FAT4: variants seen among roughly 807,000 people sequenced by gnomAD.
FAT4 encodes the protein protocadherin Fat 4.
FAT4 carries 84 observed loss-of-function variants against 303.9 expected under a neutral mutation model. That is an observed-to-expected ratio of 0.28 (90% CI 0.23 to 0.33). The LOEUF (loss-of-function observed/expected upper bound fraction) is 0.33. Among genes scored for constraint, FAT4 ranks in the 10% least tolerant of loss-of-function variants. The pLI, the probability that FAT4 is intolerant of heterozygous loss-of-function variation, is 1.00. For missense variants in FAT4, 6,005 were observed against 6,146.8 expected (o/e 0.98, Z 0.77); for synonymous variants, 2,307 against 2,298.8 (o/e 1.00, Z -0.10).
At chr4:125,397,709 T>C (rs925245) in intron 2 of FAT4, among the ~76,000 whole-genome samples, 20 of 152,008 alleles carry the variant, frequency 1.3e-4, no homozygotes, top group Non-Finnish European at 2.8e-4. Flanking sequence ...CCTTTTCAGA[T>C]AATGATGACA....
chr4:125,403,132 A>G (rs1166114337), intron 3 of FAT4, among the ~76,000 whole-genome samples: 1 of 152,124 alleles, frequency 6.6e-6, no homozygotes, highest in South Asian at 2.1e-4. Context: ...AACAACTATC[A>G]TTTTCCTGTG....
At chr4:125,360,925 AT>A (rs1429415996) in intron 2 of FAT4, among the ~76,000 whole-genome samples, 1 of 120,368 alleles carries the variant, frequency 8.3e-6, no homozygotes, top group African/African-American at 2.8e-5. Context: ...TATTTATTTT[AT>A]TTATTTATTT....
rs1488673937 is a variant in FAT4, at chr4:125,394,996, A to C, written c.5176-3788A>C. On this transcript the variant is annotated intron_variant, in intron 2 of 17. Coordinates refer to ENST00000394329, the MANE Select transcript of FAT4 (RefSeq NM_001291303.3). ...TTATGTGACAGATTCTAAAATATTC[A>C]ATGAATAAATGTTAGATTTAGTGAC... Among the ~76,000 whole-genome samples, 3 of 152,200 alleles carry C rather than the reference A, an allele frequency of 2.0e-5. No homozygotes were observed. The East Asian group carries it at 5.8e-4, about 29-fold the overall frequency.
intron 8 of FAT4, among the ~76,000 whole-genome samples, chr4:125,441,235 G>A (rs757749508): frequency 5.9e-5 from 9 of 152,124 alleles, no homozygotes; most frequent in Admixed American, 2.0e-4. Context: ...GTGTAGTACC[G>A]TATAACAAGT....
In FAT4 at chr4:125,320,787, T is replaced by C. The variant is rs778837270; in HGVS notation, c.4376T>C (p.Ile1459Thr). The change falls in exon 2 of 18, where the codon ATC becomes ACC. Residue 1459 changes from isoleucine (I) to threonine (T), a missense_variant. By Grantham distance (89) the Ile-to-Thr change is moderately conservative. Transcript: ENST00000394329. ...ATTAATGGTCAACTATCCTACACAA[T>C]CATTCAACAGATGCCAAGAGGCAAC... is the stretch of plus-strand genomic sequence containing the variant. Reference protein sequence around the residue: ...ADINGQLSYTIIQQMPRGNHF... With the variant: ...ADINGQLSYTTIQQMPRGNHF... 3.7e-6 allele frequency: 6 copies of C among 1,614,012 alleles called. No individual in the cohort carries two copies. In the African/African-American group the frequency reaches 8.0e-5, roughly 22 times the overall value.
At chr4:125,403,877 ATTTC>A (rs1363272866) in intron 3 of FAT4, among the ~76,000 whole-genome samples, 1 of 152,102 alleles carries the variant, frequency 6.6e-6, no homozygotes, top group Non-Finnish European at 1.5e-5. Context: ...TATTAGTATT[ATTTC>A]TATTTTCAAT....
Position 125,324,521 on chromosome 4 carries a change from C to G in FAT4, c.5175+2935C>G, listed in dbSNP as rs375974242. Among the ~76,000 whole-genome samples the G allele has an allele frequency of 8.5e-5, 13 of 152,278 alleles. 1 individual carries two copies. In the East Asian group the frequency reaches 1.7e-3, roughly 20 times the overall value. Reference sequence around the variant, plus strand: ...GAGGAAATGAAGGAAGTTAATAAATCTGATGCTGCTCATTAATTGAACTCA... The same window carrying G: ...GAGGAAATGAAGGAAGTTAATAAATGTGATGCTGCTCATTAATTGAACTCA... On this transcript the variant is annotated intron_variant, in intron 2 of 17. Transcript: ENST00000394329.
chr4:125,315,078 ATG>A lies in FAT4; in HGVS notation c.-899_-898del, dbSNP rs375668886. ...GCTGTGTGTGTGTGTGTGCGTGTGTATGTGTGTGTGTGTGCATGCCTGTGCGG... is the reference window on the plus strand; with the variant it reads ...GCTGTGTGTGTGTGTGTGCGTGTGTATGTGTGTGTGTGCATGCCTGTGCGG... On this transcript the variant is annotated 5_prime_UTR_variant, in exon 1 of 18. It introduces an in-frame stop codon into an upstream open reading frame of the 5' UTR. Transcript: ENST00000394329. Among the ~76,000 whole-genome samples the A allele has an allele frequency of 2.0e-5, 3 of 150,188 alleles. No individual in the cohort carries two copies. Among genetic ancestry groups the A allele is most frequent in the Non-Finnish European group, 4.5e-5 (3 of 67,312 alleles).
In FAT4 at chr4:125,317,709, C is replaced by G. The variant is rs2125940017; in HGVS notation, c.1298C>G (p.Ser433Cys). Residue 433 changes from serine (S) to cysteine (C), a missense_variant, in exon 2 of 18, where the codon TCC (serine) becomes TGC (cysteine). By Grantham distance (112) the Ser-to-Cys change is moderately radical. Transcript: ENST00000394329. The surrounding 1 kb of genome is among the most constrained non-coding windows in gnomAD (Gnocchi z 7.0). ...GCCTTGGACCGCGAGCGCATCCCTTCCTACAACCTCACAGTTTCCGTCTCT... is the reference window on the plus strand; with the variant it reads ...GCCTTGGACCGCGAGCGCATCCCTTGCTACAACCTCACAGTTTCCGTCTCT... ...ASALDRERIP[S>C]YNLTVSVSDN... 1.2e-6 allele frequency: 2 copies of G among 1,614,126 alleles called. No homozygotes were observed. The highest frequency in any genetic ancestry group is 4.5e-5 in the East Asian group (2 of 44,876).
In FAT4 at chr4:125,451,232, C is replaced by T; in HGVS notation, c.10222C>T (p.Leu3408=). ...LDANDPPIFT[L]NIYSVQISEG... ...TGCAAATGACCCACCCATTTTTACT[C>T]TAAACATCTACAGTGTGCAGATCAG... The change falls in exon 10 of 18, where the codon CTA becomes TTA. Residue 3408 remains leucine, a synonymous_variant. Transcript: ENST00000394329. The T allele has an allele frequency of 1.2e-6, 2 of 1,614,092 alleles. No homozygotes were observed. The highest frequency in any genetic ancestry group is 4.5e-5 in the East Asian group (2 of 44,852).
chr4:125,466,260 A>G (rs1344673710), intron 11 of FAT4, among the ~76,000 whole-genome samples: 1 of 152,154 alleles, frequency 6.6e-6, no homozygotes, highest in Non-Finnish European at 1.5e-5. Context: ...TTAAGAATAA[A>G]TATTTTAAAT....
chr4:125,343,982 G>A (rs951751024), intron 2 of FAT4, among the ~76,000 whole-genome samples: 2 of 152,258 alleles, frequency 1.3e-5, no homozygotes, highest in East Asian at 3.9e-4. Flanking sequence ...GGTATGGGAT[G>A]TGAGTTAGAG....
In FAT4 at chr4:125,315,652, GGGC is replaced by G. The variant is rs932202974; in HGVS notation, c.-322_-320del. 6.6e-6 allele frequency among the ~76,000 whole-genome samples: 1 copy of G among 152,260 alleles called. No homozygotes were observed. The highest frequency in any genetic ancestry group is 1.5e-5 in the Non-Finnish European group (1 of 68,018). On this transcript the variant is annotated 5_prime_UTR_variant, in exon 1 of 18. Coordinates refer to ENST00000394329, the MANE Select transcript of FAT4 (RefSeq NM_001291303.3). ...GACCACGGGCTTGAAGCCGCAACAGGGGCGGCGGCGGCGGCGGCTGCAGGAGGG... is the reference window on the plus strand; with the variant it reads ...GACCACGGGCTTGAAGCCGCAACAGGGGCGGCGGCGGCGGCTGCAGGAGGG...
chr4:125,323,679 G>A (rs1731043224), intron 2 of FAT4, among the ~76,000 whole-genome samples: 1 of 152,108 alleles, frequency 6.6e-6, no homozygotes, highest in South Asian at 2.1e-4. Flanking sequence ...ATTATTATTG[G>A]TTGGATTTTT....
chr4:125,316,945 C>T lies in FAT4; in HGVS notation c.534C>T (p.Arg178=). Residue 178 remains arginine (R), a synonymous_variant, in exon 2 of 18, where the codon CGC becomes CGT. Transcript: ENST00000394329. This position sits in a 1 kb window ranked among gnomAD's most constrained non-coding sequence, Gnocchi z 5.7. ...ACCACCGCTCCTACCGCATCATCCG[C>T]GGCAATGAGGCGGGGCGCTTCCGTC... ...GVDHRSYRII[R]GNEAGRFRLD... is the part of the protein sequence containing the mutation. The T allele has an allele frequency of 6.2e-7, 1 of 1,613,964 alleles. No individual in the cohort carries two copies. Among genetic ancestry groups the T allele is most frequent in the South Asian group, 1.1e-5 (1 of 91,082 alleles).
At chr4:125,336,005 T>G (rs1451236988) in intron 2 of FAT4, among the ~76,000 whole-genome samples, 4 of 152,016 alleles carry the variant, frequency 2.6e-5, no homozygotes, top group African/African-American at 9.7e-5. Context: ...AAGGCAATGA[T>G]AAAAAAATGT....
At chr4:125,435,875 C>T (rs72914965) in intron 8 of FAT4, among the ~76,000 whole-genome samples, 79 of 152,126 alleles carry the variant, frequency 5.2e-4, no homozygotes, top group African/African-American at 1.8e-3. Flanking sequence ...AGAGGATTTA[C>T]GGAGAGAAAC....
In FAT4 at chr4:125,316,786, G is replaced by A; in HGVS notation, c.375G>A (p.Val125=). 3.1e-6 allele frequency: 5 copies of A among 1,614,032 alleles called. No individual in the cohort carries two copies. The highest frequency in any genetic ancestry group is 4.2e-6 in the Non-Finnish European group (5 of 1,180,002). The change falls in exon 2 of 18, where the codon GTG becomes GTA. Residue 125 remains valine, a synonymous_variant. Coordinates refer to ENST00000394329, the MANE Select transcript of FAT4 (RefSeq NM_001291303.3). This position sits in a 1 kb window ranked among gnomAD's most constrained non-coding sequence, Gnocchi z 5.7. ...PTYPTEVRVL[V]RDLNDNAPVF... is the part of the protein sequence containing the mutation. The stretch of plus-strand genomic sequence containing the variant: ...ACCCCACCGAAGTGCGAGTGCTGGT[G>A]CGGGACCTCAATGACAACGCCCCCG...
chr4:125,417,420 T>G (rs868740039), intron 7 of FAT4, among the ~76,000 whole-genome samples: 6 of 152,230 alleles, frequency 3.9e-5, no homozygotes, highest in Middle Eastern at 3.4e-3. Context: ...GGAGCCAAAC[T>G]ATAAGTTCCT....
Sources: gnomAD v4.1 joint callset for allele counts (sites outside exome capture counted in the v4.1 genomes callset) on GRCh38, gnomAD v4.1.1 for gene constraint, Gnocchi (gnomAD v3.1) non-coding constraint, MANE v1.5 for transcripts, NCBI Gene and HGNC (gene_info 2026-07-23, HGNC 2026-07-21) for gene names.